Variants in RPS6KA5 observed in about 807,000 individuals in gnomAD.
RPS6KA5 encodes the protein ribosomal protein S6 kinase alpha-5.
RPS6KA5 carries 27 observed loss-of-function variants against 85.5 expected under a neutral mutation model. The ratio of observed to expected loss-of-function variants is 0.32; its 90% confidence interval spans 0.23 to 0.44. The LOEUF (loss-of-function observed/expected upper bound fraction) is 0.44. Ranked by LOEUF, RPS6KA5 falls within the 20% of genes least tolerant of loss-of-function variation. The probability of loss-of-function intolerance (pLI) is 1.00; values close to 1 mark genes in which losing one functional copy is unlikely to be tolerated. For synonymous variants in RPS6KA5, 334 were observed against 348.2 expected, an observed-to-expected ratio of 0.96 and a Z score of 0.46; for missense variants, 811 against 980.9, an observed-to-expected ratio of 0.83 and a Z score of 2.31.
intron 3 of RPS6KA5, among the ~76,000 whole-genome samples, chr14:90,976,143 TA>T (rs1000719990): frequency 1.1e-4 from 14 of 128,400 alleles, no homozygotes; most frequent in Non-Finnish European, 2.0e-4. Context: ...ACATGTTTTA[TA>T]AAAAAATTAC....
chr14:90,894,367 T>C (rs1230649259), intron 13 of RPS6KA5, 46 bp downstream of exon 13: 9 of 1,464,356 alleles, frequency 6.1e-6, no homozygotes, highest in Non-Finnish European at 8.2e-6. Flanking sequence ...AGATCTTTAA[T>C]AATGGTGCTA....
Position 90,876,191 on chromosome 14 carries a change from G to C in RPS6KA5, c.1837-831C>G, listed in dbSNP as rs1356319292. 5.3e-5 allele frequency among the ~76,000 whole-genome samples: 8 copies of C among 152,230 alleles called. No individual in the cohort carries two copies. In the South Asian group the frequency reaches 1.7e-3, roughly 32 times the overall value. Reference sequence around the variant, plus strand: ...ATTCAGAGCAATAAGAACAGAAAAGGATAATCCAACTGCTTCAAAAAGATG... The same window carrying C: ...ATTCAGAGCAATAAGAACAGAAAAGCATAATCCAACTGCTTCAAAAAGATG... On this transcript the variant is annotated intron_variant, in intron 14 of 16. Transcript: ENST00000614987.
rs369252437 is a variant in RPS6KA5 at position 90,943,689 on chromosome 14, TCTAA to T, written c.511-508_511-505del. Reference sequence around the variant, plus strand: ...CCTACTTGTCTTTATATACCTATACTCTAACTCTTTTTTTCACTTTTTATGTATT... The same window carrying T: ...CCTACTTGTCTTTATATACCTATACTCTCTTTTTTTCACTTTTTATGTATT... On this transcript the variant is annotated intron_variant, in intron 4 of 16. Coordinates refer to ENST00000614987, the MANE Select transcript of RPS6KA5 (RefSeq NM_004755.4). Among the ~76,000 whole-genome samples, 98 of 152,336 alleles carry T rather than the reference TCTAA, an allele frequency of 6.4e-4. 1 individual carries two copies. In the East Asian group the frequency reaches 0.015, roughly 24 times the overall value.
At chr14:90,943,835 G>A (rs1193481691) in intron 4 of RPS6KA5, among the ~76,000 whole-genome samples, 2 of 151,980 alleles carry the variant, frequency 1.3e-5, no homozygotes, top group Non-Finnish European at 2.9e-5. Context: ...TCAAACTTTA[G>A]TTGTTTTTTG....
rs1595075775 is a variant in RPS6KA5 at position 90,852,874 on chromosome 14, C to G, written c.*19200G>C. On this transcript the variant is annotated 3_prime_UTR_variant, in exon 17 of 17. Transcript: ENST00000614987. ...CCTCCCCAGTAGCTGGGACTACAGG[C>G]GCCTGCCACCACGCCCGGCTAATTT... The G allele has an allele frequency of 6.6e-6, 1 of 152,118 alleles. No homozygotes were observed. Among genetic ancestry groups the G allele is most frequent in the African/African-American group, 2.4e-5 (1 of 41,314 alleles). 9.4% of individuals were successfully genotyped at this position (152,118 alleles called of 1,614,324 possible). A position where few individuals can be genotyped will look rare whatever the true frequency, so the allele number is the denominator to read the frequency against.
At chr14:90,899,697 A>G (rs2035049374) in intron 11 of RPS6KA5, among the ~76,000 whole-genome samples, 1 of 152,222 alleles carries the variant, frequency 6.6e-6, no homozygotes, top group South Asian at 2.1e-4. Context: ...AAGAATATGC[A>G]ATCTTAATAA....
chr14:90,910,664 TTTATTA>T (rs1333054850), intron 7 of RPS6KA5, among the ~76,000 whole-genome samples: 2 of 151,134 alleles, frequency 1.3e-5, no homozygotes, highest in Non-Finnish European at 2.9e-5. Context: ...GCTCACTTCT[TTTATTA>T]TTATCATTAT....
chr14:91,045,305 G>A (rs1366013789), intron 1 of RPS6KA5, among the ~76,000 whole-genome samples: 1 of 145,192 alleles, frequency 6.9e-6, no homozygotes, highest in Non-Finnish European at 1.5e-5. Context: ...CAGTCACCCA[G>A]GCTGGAGTGC....
chr14:91,019,938 AC>A, intron 1 of RPS6KA5, among the ~76,000 whole-genome samples: 1 of 152,212 alleles, frequency 6.6e-6, no homozygotes, highest in Middle Eastern at 3.2e-3. Context: ...CCTAGATGGT[AC>A]AGCCTACTAT....
chr14:90,937,195 A>C (rs1017168341), intron 5 of RPS6KA5, among the ~76,000 whole-genome samples: 1 of 152,118 alleles, frequency 6.6e-6, no homozygotes, highest in African/African-American at 2.4e-5. Context: ...ACTACCAGGC[A>C]GTCAAATAAA....
chr14:90,876,826 A>G (rs1020302658), intron 14 of RPS6KA5, among the ~76,000 whole-genome samples: 1 of 152,156 alleles, frequency 6.6e-6, no homozygotes, highest in African/African-American at 2.4e-5. Context: ...TAATTAGGAG[A>G]CATGGAAGCC....
chr14:90,890,728 A>T, intron 13 of RPS6KA5, 50 bp from the exon 14 acceptor site: 1 of 1,494,268 alleles, frequency 6.7e-7, no homozygotes, highest in Non-Finnish European at 9.2e-7. Context: ...ATGTCTTGGG[A>T]ATTGCTGGTA....
intron 1 of RPS6KA5, among the ~76,000 whole-genome samples, chr14:91,059,363 A>C (rs917675611): frequency 1.1e-4 from 16 of 151,928 alleles, no homozygotes; most frequent in African/African-American, 3.6e-4. Flanking sequence ...AAAAATCCCA[A>C]TATGCCAAAG....
chr14:90,999,152 G>A (rs1189141712), intron 2 of RPS6KA5, among the ~76,000 whole-genome samples: 1 of 152,058 alleles, frequency 6.6e-6, no homozygotes, highest in Non-Finnish European at 1.5e-5. Flanking sequence ...AAGTTGCAGT[G>A]AGCCAAGATC....
Position 90,978,337 on chromosome 14 carries a change from G to A in RPS6KA5, c.363C>T (p.Phe121=), listed in dbSNP as rs746988502. Residue 121 remains phenylalanine (F), a synonymous_variant, in exon 3 of 17, where the codon TTC becomes TTT. Coordinates refer to ENST00000614987, the MANE Select transcript of RPS6KA5 (RefSeq NM_004755.4). ...TGAGATGAAGTTTGGTTTCTGTCTG[G>A]AAAGCATAATGTAATGTTACCAAAA... The part of the protein sequence containing the change: ...SPFLVTLHYA[F]QTETKLHLIL... 6 of 1,608,458 alleles carry A rather than the reference G, an allele frequency of 3.7e-6. No homozygotes were observed. The highest frequency in any genetic ancestry group is 1.1e-5 in the South Asian group (1 of 89,270).
rs576752809 is a variant in RPS6KA5 at position 90,907,202 on chromosome 14, C to T, written c.807-903G>A. On this transcript the variant is annotated intron_variant, in intron 7 of 16. Transcript: ENST00000614987. ...ATTAATTGGGTTTGCAAAAAGATTC[C>T]CTATTGTGCATTAAAATATTAATAA... 1.5e-3 allele frequency among the ~76,000 whole-genome samples: 231 copies of T among 152,056 alleles called. 1 individual carries two copies. Among genetic ancestry groups the T allele is most frequent in the Non-Finnish European group, 2.6e-3 (179 of 67,974 alleles).
chr14:90,912,170 C>T (rs1053529918), intron 7 of RPS6KA5, among the ~76,000 whole-genome samples: 2 of 152,198 alleles, frequency 1.3e-5, no homozygotes, highest in African/African-American at 4.8e-5. Context: ...TGTATTTATT[C>T]CATATCCTCC....
chr14:91,032,661 GT>G (rs1211245504), intron 1 of RPS6KA5, among the ~76,000 whole-genome samples: 1 of 152,066 alleles, frequency 6.6e-6, no homozygotes, highest in East Asian at 1.9e-4. Context: ...AACTGAGTGA[GT>G]TTTAACAGGA....
At chr14:90,988,595 T>A (rs2040163584) in intron 2 of RPS6KA5, among the ~76,000 whole-genome samples, 1 of 152,156 alleles carries the variant, frequency 6.6e-6, no homozygotes, top group Non-Finnish European at 1.5e-5. Context: ...GGCGGGTGCA[T>A]CACCTGAGGT....
Sources: allele counts gnomAD v4.1 joint callset (sites outside exome capture counted in the v4.1 genomes callset), GRCh38; gene constraint gnomAD v4.1.1; transcripts MANE v1.5; gene names NCBI Gene and HGNC (gene_info 2026-07-23, HGNC 2026-07-21).